ATF2: variants seen among roughly 807,000 people sequenced by gnomAD.
ATF2 encodes the protein activating transcription factor 2.
Under a neutral mutation model 60.6 loss-of-function variants are expected in ATF2, and 24 were observed. That is an observed-to-expected ratio of 0.40 (90% CI 0.29 to 0.56). ATF2 has a LOEUF of 0.56. ATF2 is among the 20% of genes least tolerant of loss of function. ATF2 has a pLI of 0.54. For synonymous variants in ATF2, 206 were observed against 215.4 expected, an observed-to-expected ratio of 0.96 and a Z score of 0.38; for missense variants, 433 against 607.7, an observed-to-expected ratio of 0.71 and a Z score of 3.02.
At chr2:175,107,624 T>C (rs1382268167) in intron 10 of ATF2, among the ~76,000 whole-genome samples, 1 of 152,226 alleles carries the variant, frequency 6.6e-6, no homozygotes, top group Non-Finnish European at 1.5e-5. Context: ...GAGCCAAAGC[T>C]GGACTGTGCT....
intron 13 of ATF2, among the ~76,000 whole-genome samples, chr2:175,078,030 C>T (rs535707841): frequency 1.3e-5 from 2 of 152,310 alleles, no homozygotes; most frequent in African/African-American, 2.4e-5. Flanking sequence ...TGCTATGGCA[C>T]GATCACAGCT....
rs550646199 is a variant in ATF2, at chr2:175,151,059, C to A, written c.-44+1G>T. On this transcript the variant is annotated splice_donor_variant, in intron 2 of 13. Transcript: ENST00000264110. LOFTEE classifies it low-confidence loss of function (5UTR_SPLICE). Reference sequence around the variant, plus strand: ...TATGTTAAAAGCTTAAAATCTCTTACCTTTCTAGCTGGTGGGCCATGAGCT... The same window carrying A: ...TATGTTAAAAGCTTAAAATCTCTTAACTTTCTAGCTGGTGGGCCATGAGCT... The A allele has an allele frequency of 5.9e-5, 9 of 152,576 alleles. No homozygotes were observed. The East Asian group carries it at 1.7e-3, about 29-fold the overall frequency. 9.5% of individuals were successfully genotyped at this position (152,576 alleles called of 1,614,324 possible). A position where few individuals can be genotyped will look rare whatever the true frequency, so the allele number is the denominator to read the frequency against.
rs574991745 is a variant in ATF2 at position 175,120,704 on chromosome 2, T to G, written c.199+740A>C. 5.9e-4 allele frequency among the ~76,000 whole-genome samples: 89 copies of G among 151,784 alleles called. 1 individual carries two copies. Among genetic ancestry groups the G allele is most frequent in the African/African-American group, 2.1e-3 (86 of 41,512 alleles). ...CACAAAGGATCTGAAATTTATATAG[T>G]TTTGTTTTATCATAATACTTATAAA... On this transcript the variant is annotated intron_variant, in intron 5 of 13. Coordinates refer to ENST00000264110, the MANE Select transcript of ATF2 (RefSeq NM_001880.4).
chr2:175,137,612 T>A (rs1200435594), intron 2 of ATF2, among the ~76,000 whole-genome samples: 1 of 152,168 alleles, frequency 6.6e-6, no homozygotes, highest in African/African-American at 2.4e-5. Context: ...TCAATTAATT[T>A]GGTAGGAATA....
At chr2:175,110,778 G>GT (rs1696125420) in intron 10 of ATF2, among the ~76,000 whole-genome samples, 1 of 152,020 alleles carries the variant, frequency 6.6e-6, no homozygotes, top group Admixed American at 6.6e-5. Flanking sequence ...GCTAATTTTT[G>GT]TATTTTTAGT....
intron 10 of ATF2, among the ~76,000 whole-genome samples, chr2:175,108,598 G>C (rs1196377782): frequency 6.6e-6 from 1 of 152,016 alleles, no homozygotes; most frequent in African/African-American, 2.4e-5. Context: ...TCCGGGAGGT[G>C]GGGGGCGCCT....
At chr2:175,164,916 G>A (rs905082293) in intron 1 of ATF2, among the ~76,000 whole-genome samples, 48 of 152,224 alleles carry the variant, frequency 3.2e-4, no homozygotes, top group African/African-American at 1.2e-3. Flanking sequence ...GAGTGCAGTG[G>A]CACGATCGGC....
At chr2:175,103,422 A>G (rs149656231) in intron 10 of ATF2, among the ~76,000 whole-genome samples, 293 of 151,984 alleles carry the variant, frequency 1.9e-3, no homozygotes, top group Non-Finnish European at 3.2e-3. Flanking sequence ...AGAACATATG[A>G]AAATCAAGTA....
At position 175,136,409 on chromosome 2, in the gene ATF2, T is replaced by C; in HGVS notation, c.32+3A>G. On this transcript the variant is annotated splice_donor_region_variant and intron_variant, in intron 3 of 13. Transcript: ENST00000264110. ...CTAAAAATACCAAATATTGCACACA[T>C]ACCTGGCAGAATTCACATGTAACTT... 6.2e-7 allele frequency: 1 copy of C among 1,610,028 alleles called. No individual in the cohort carries two copies. The highest frequency in any genetic ancestry group is 1.7e-5 in the Admixed American group (1 of 59,460).
At chr2:175,109,459 T>C (rs904226295) in intron 10 of ATF2, among the ~76,000 whole-genome samples, 1 of 152,182 alleles carries the variant, frequency 6.6e-6, no homozygotes, top group African/African-American at 2.4e-5. Context: ...AGTGGACTGA[T>C]CGGAAAGAGA....
At chr2:175,099,348 C>A (rs781733433) in intron 10 of ATF2, among the ~76,000 whole-genome samples, 1 of 152,096 alleles carries the variant, frequency 6.6e-6, no homozygotes, top group African/African-American at 2.4e-5. Flanking sequence ...AAGTGATCCA[C>A]CCTCCTCGGC....
intron 10 of ATF2, among the ~76,000 whole-genome samples, chr2:175,106,334 C>T (rs1229397720): frequency 3.9e-5 from 6 of 151,930 alleles, no homozygotes; most frequent in Non-Finnish European, 5.9e-5. Flanking sequence ...AGTTTGAGAC[C>T]AGCCTGGCCA....
chr2:175,078,200 G>A (rs212354), intron 13 of ATF2, among the ~76,000 whole-genome samples: 5,967 of 152,146 alleles, frequency 0.039, 285 homozygotes, highest in African/African-American at 0.11. Context: ...TGAACTCATG[G>A]GTTCAAACAA....
At chr2:175,131,166 A>C (rs143445140) in intron 3 of ATF2, among the ~76,000 whole-genome samples, 18 of 152,310 alleles carry the variant, frequency 1.2e-4, no homozygotes, top group South Asian at 4.1e-4. Context: ...TGCTTTATCC[A>C]AAATATTTAT....
chr2:175,105,776 T>A (rs1695612478), intron 10 of ATF2, among the ~76,000 whole-genome samples: 2 of 152,074 alleles, frequency 1.3e-5, no homozygotes, highest in African/African-American at 4.8e-5. Context: ...GAAAATCAAA[T>A]ATACCAAAGA....
Position 175,167,948 on chromosome 2 carries a change from G to A in ATF2, c.-143+102C>T, listed in dbSNP as rs149807937. On this transcript the variant is annotated intron_variant, in intron 1 of 13. Transcript: ENST00000264110. ...AGGAGCACCCGAGGTGATGGGAAAC[G>A]GGGGGTGGGGACTGTGCTGAGCGAC... The A allele has an allele frequency of 4.5e-3, 1,565 of 350,648 alleles. 4 individuals carry two copies. Among genetic ancestry groups the A allele is most frequent in the Non-Finnish European group, 6.5e-3 (1,124 of 174,080 alleles). 21.7% of individuals were successfully genotyped at this position (350,648 alleles called of 1,614,324 possible).
At chr2:175,075,783 C>T (rs1693249248) in intron 13 of ATF2, among the ~76,000 whole-genome samples, 1 of 152,178 alleles carries the variant, frequency 6.6e-6, no homozygotes, top group Non-Finnish European at 1.5e-5. Context: ...TCTGACATTT[C>T]TTTAACCATT....
chr2:175,090,748 AATG>A (rs1432644537), intron 12 of ATF2, among the ~76,000 whole-genome samples: 1 of 152,142 alleles, frequency 6.6e-6, no homozygotes, highest in East Asian at 1.9e-4. Flanking sequence ...TGCTTCAAAA[AATG>A]ATGTCAGCAA....
At chr2:175,124,954 G>C (rs185266646) in intron 4 of ATF2, among the ~76,000 whole-genome samples, 4 of 152,054 alleles carry the variant, frequency 2.6e-5, no homozygotes, top group African/African-American at 9.6e-5. Flanking sequence ...GAAAACCTAA[G>C]AGTAACTGAG....
Sources: allele counts gnomAD v4.1 joint callset (sites outside exome capture counted in the v4.1 genomes callset), GRCh38; gene constraint gnomAD v4.1.1; transcripts MANE v1.5; gene names NCBI Gene and HGNC (gene_info 2026-07-23, HGNC 2026-07-21).